Variants in CSPP1 observed in about 807,000 individuals in gnomAD.
The protein encoded by CSPP1 is centrosome and spindle pole associated protein 1.
Under a neutral mutation model 164.4 loss-of-function variants are expected in CSPP1, and 126 were observed. That is an observed-to-expected ratio of 0.77 (90% CI 0.66 to 0.89). The LOEUF (loss-of-function observed/expected upper bound fraction) is 0.89, where lower values mean the gene tolerates loss of function less well. Among genes scored for constraint, CSPP1 ranks in the 40% least tolerant of loss-of-function variants. The pLI is 0.00. For synonymous variants in CSPP1, 472 were observed against 476.7 expected (o/e 0.99, Z 0.13); for missense variants, 1,395 against 1,449.8 (o/e 0.96, Z 0.61).
chr8:67,103,028 G>A lies in CSPP1; in HGVS notation c.924-9G>A, dbSNP rs199910808. ...TGGCACATGCTTTATAAGCTAATGT[G>A]TTTTTAAGGATGCACAGGAACAAAC... On this transcript the variant is annotated splice_polypyrimidine_tract_variant and intron_variant, in intron 7 of 30. Coordinates refer to ENST00000678616, the MANE Select transcript of CSPP1 (RefSeq NM_001382391.1). 7.2e-5 allele frequency: 113 copies of A among 1,562,200 alleles called. 2 individuals carry two copies. The Admixed American group carries it at 1.9e-3, about 26-fold the overall frequency.
At chr8:67,074,409 C>G in intron 2 of CSPP1, 58 bp downstream of exon 2, 2 of 1,032,430 alleles carry the variant, frequency 1.9e-6, no homozygotes, top group Non-Finnish European at 2.9e-6. Context: ...GGAGATTACT[C>G]CTGTGTAAAT....
At chr8:67,078,548 G>A (rs777556027) in intron 3 of CSPP1, among the ~76,000 whole-genome samples, 5 of 152,100 alleles carry the variant, frequency 3.3e-5, no homozygotes, top group Non-Finnish European at 5.9e-5. Context: ...TAGAGGTGGT[G>A]TTTCGCTATG....
chr8:67,160,026 C>CTT (rs537524384), intron 21 of CSPP1, among the ~76,000 whole-genome samples: 1 of 53,676 alleles, frequency 1.9e-5, no homozygotes, highest in Non-Finnish European at 3.3e-5. Context: ...CTTTTCTTTT[C>CTT]TTTTCTTTTT....
intron 1 of CSPP1, among the ~76,000 whole-genome samples, chr8:67,066,399 C>G (rs1805553533): frequency 6.6e-6 from 1 of 152,112 alleles, no homozygotes; most frequent in Non-Finnish European, 1.5e-5. Context: ...CTTTGTCCCT[C>G]CCTTTCTTCT....
chr8:67,158,724 A>C, intron 20 of CSPP1, 128 bp downstream of exon 20: 1 of 1,186,454 alleles, frequency 8.4e-7, no homozygotes, highest in Non-Finnish European at 1.1e-6. Flanking sequence ...AGATCAATAT[A>C]CATTCTTTGG....
intron 18 of CSPP1, among the ~76,000 whole-genome samples, chr8:67,153,542 A>G (rs897334851): frequency 2.0e-5 from 3 of 152,138 alleles, no homozygotes; most frequent in Admixed American, 6.5e-5. Context: ...CTGACTTTCT[A>G]TTCTGTCATT....
chr8:67,178,979 G>GT (rs887334338), intron 27 of CSPP1, among the ~76,000 whole-genome samples: 1 of 152,206 alleles, frequency 6.6e-6, no homozygotes, highest in African/African-American at 2.4e-5. Flanking sequence ...GGCTATTGTA[G>GT]TAATTTAGGC....
chr8:67,169,531 C>G (rs568986888), intron 24 of CSPP1, among the ~76,000 whole-genome samples: 1 of 152,256 alleles, frequency 6.6e-6, no homozygotes, highest in East Asian at 1.9e-4. Context: ...CCTCTGCCTC[C>G]CGGGTTCAAG....
chr8:67,081,489 T>A (rs1005442306), intron 3 of CSPP1, among the ~76,000 whole-genome samples: 2 of 152,172 alleles, frequency 1.3e-5, no homozygotes, highest in African/African-American at 4.8e-5. Context: ...TAATATTAAA[T>A]TAAGAGAAAG....
intron 2 of CSPP1, chr8:67,074,704 T>G (rs1585837456): frequency 1.0e-4 from 25 of 239,726 alleles, no homozygotes; most frequent in South Asian, 1.0e-3. Flanking sequence ...TTTAAAAAGT[T>G]TTTTTGAAAT....
chr8:67,099,696 G>A (rs929021932), intron 7 of CSPP1, among the ~76,000 whole-genome samples: 2 of 152,038 alleles, frequency 1.3e-5, no homozygotes, highest in African/African-American at 4.8e-5. Context: ...ACAATAAATT[G>A]TAAGACCATA....
upstream of CSPP1, chr8:67,064,369 A>G (rs941021146): frequency 6.2e-7 from 1 of 1,607,076 alleles, no homozygotes; most frequent in East Asian, 2.2e-5. Flanking sequence ...GCTGGGCCTG[A>G]GGGGCGGAGC....
intron 14 of CSPP1, 30 bp downstream of exon 14, chr8:67,118,399 C>T: frequency 1.2e-5 from 20 of 1,609,468 alleles, no homozygotes; most frequent in Non-Finnish European, 1.7e-5. Context: ...AGCATTTTCT[C>T]CCCGCTTGGC....
chr8:67,118,513 A>G (rs893560726), intron 14 of CSPP1, 144 bp downstream of exon 14: 11 of 841,760 alleles, frequency 1.3e-5, no homozygotes, highest in Non-Finnish European at 1.9e-5. Context: ...TAAATGCCCT[A>G]TTTTAAAGCC....
Position 67,196,431 on chromosome 8 carries a change from T to TA in CSPP1, c.*844dup, listed in dbSNP as rs35376138. Among the ~76,000 whole-genome samples the TA allele has an allele frequency of 2.0e-5, 3 of 152,206 alleles. No homozygotes were observed. The highest frequency in any genetic ancestry group is 1.9e-4 in the East Asian group (1 of 5,180). On this transcript the variant is annotated 3_prime_UTR_variant, in exon 31 of 31. Transcript: ENST00000678616. ...CTAATCACTCAGTAAGTGATACTTC[T>TA]AAAAAAGGAAAGAGTCATTCAAATA...
chr8:67,175,739 A>C (rs1831460115), intron 26 of CSPP1, among the ~76,000 whole-genome samples: 1 of 152,204 alleles, frequency 6.6e-6, no homozygotes, highest in Admixed American at 6.5e-5. Context: ...CAAAGGAAGG[A>C]GTGTCAGGCA....
At chr8:67,176,734 T>G (rs541868184) in intron 26 of CSPP1, among the ~76,000 whole-genome samples, 119 of 152,204 alleles carry the variant, frequency 7.8e-4, no homozygotes, top group Non-Finnish European at 1.4e-3. Context: ...CAGCAGCCAC[T>G]CCCCAACTTC....
intron 8 of CSPP1, among the ~76,000 whole-genome samples, chr8:67,103,533 G>A (rs1188581446): frequency 1.3e-5 from 2 of 151,864 alleles, no homozygotes; most frequent in African/African-American, 4.8e-5. Context: ...GGTGGCTCAT[G>A]CCTGTAATCC....
At position 67,116,059 on chromosome 8, in the gene CSPP1, C is replaced by T; in HGVS notation, c.1433C>T (p.Pro478Leu). 2 of 1,614,090 alleles carry T rather than the reference C, an allele frequency of 1.2e-6. No homozygotes were observed. Among genetic ancestry groups the T allele is most frequent in the Non-Finnish European group, 1.7e-6 (2 of 1,179,984 alleles). ...CCCATCCCATCAGTTCATCCTGTTCCTTCTCAAAATGAAGATTTGCGCAGT... is the reference window on the plus strand; with the variant it reads ...CCCATCCCATCAGTTCATCCTGTTCTTTCTCAAAATGAAGATTTGCGCAGT... ...VPPIPSVHPV[P>L]SQNEDLRSGL... Residue 478 changes from proline (P) to leucine (L), a missense_variant, in exon 13 of 31, where the codon CCT (proline) becomes CTT (leucine). By Grantham distance (98) the Pro-to-Leu change is moderately conservative (BLOSUM62 -3). Transcript: ENST00000678616.
Sources: gnomAD v4.1 joint callset for allele counts (sites outside exome capture counted in the v4.1 genomes callset) on GRCh38, gnomAD v4.1.1 for gene constraint, MANE v1.5 for transcripts, NCBI Gene and HGNC (gene_info 2026-07-23, HGNC 2026-07-21) for gene names.